TMEM263: variants seen among roughly 807,000 people sequenced by gnomAD.
The protein encoded by TMEM263 is UPF0444 transmembrane protein C12orf23.
TMEM263 carries 5 observed loss-of-function variants against 8.6 expected under a neutral mutation model. The observed-to-expected ratio is 0.58, with a 90% CI of 0.31 to 1.23. The LOEUF is 1.23. Ranked by LOEUF, TMEM263 falls within the 50% of genes most tolerant of loss-of-function variation. The probability of loss-of-function intolerance (pLI) is 0.07; values close to 1 mark genes in which losing one functional copy is unlikely to be tolerated. For synonymous variants in TMEM263, 50 were observed against 47.9 expected, an observed-to-expected ratio of 1.04 and a Z score of -0.18; for missense variants, 104 against 138.8, an observed-to-expected ratio of 0.75 and a Z score of 1.26.
Position 106,973,747 on chromosome 12 carries a change from T to TA in TMEM263, c.*2358dup, listed in dbSNP as rs916766066. The stretch of plus-strand genomic sequence containing the variant: ...ACAGGACTAGTTCAAGTCAAGAAAC[T>TA]AAGGTTGTTGTATACACCTGGAGGC... On this transcript the variant is annotated 3_prime_UTR_variant, in exon 4 of 4. Transcript: ENST00000280756. 4 of 152,638 alleles carry TA rather than the reference T, an allele frequency of 2.6e-5. No homozygotes were observed. Among genetic ancestry groups the TA allele is most frequent in the African/African-American group, 9.6e-5 (4 of 41,462 alleles). The allele number at this position is 152,638 out of a possible 1,614,324, so 9.5% of individuals were successfully genotyped here. A position where few individuals can be genotyped will look rare whatever the true frequency, so the allele number is the denominator to read the frequency against.
chr12:106,968,887 A>G (rs1247663853), intron 3 of TMEM263, among the ~76,000 whole-genome samples: 1 of 152,244 alleles, frequency 6.6e-6, no homozygotes, highest in East Asian at 1.9e-4. Context: ...GACCTCGATT[A>G]CAGAATTACC....
intron 2 of TMEM263, among the ~76,000 whole-genome samples, chr12:106,962,463 G>T (rs1951791784): frequency 6.6e-6 from 1 of 152,134 alleles, no homozygotes; most frequent in African/African-American, 2.4e-5. Flanking sequence ...TTCATTTTCA[G>T]ATGTGTTTTG....
intron 1 of TMEM263, 65 bp downstream of exon 1, chr12:106,956,130 C>T (rs1466709583): frequency 2.3e-6 from 2 of 857,456 alleles, no homozygotes; most frequent in African/African-American, 1.8e-5. Flanking sequence ...CCGTCGCCCT[C>T]TGCCGTCGGC....
chr12:106,960,353 A>G (rs1216372940), intron 2 of TMEM263, among the ~76,000 whole-genome samples: 3 of 145,070 alleles, frequency 2.1e-5, no homozygotes, highest in African/African-American at 7.6e-5. Context: ...TTTTTTTTTT[A>G]GTCCCAATGA....
At chr12:106,967,662 A>T (rs114559950) in intron 3 of TMEM263, among the ~76,000 whole-genome samples, 2,886 of 152,352 alleles carry the variant, frequency 0.019, 97 homozygotes, top group African/African-American at 0.066. Flanking sequence ...AAGAAAGCAT[A>T]GATAGTGGTG....
chr12:106,966,454 C>T (rs974599787), intron 2 of TMEM263, among the ~76,000 whole-genome samples: 2 of 152,138 alleles, frequency 1.3e-5, no homozygotes, highest in African/African-American at 4.8e-5. Context: ...GAACATAACA[C>T]GTGTGTGGTA....
In TMEM263 at chr12:106,971,394, T is replaced by C; in HGVS notation, c.*3T>C. 1 of 1,596,300 alleles carries C rather than the reference T, an allele frequency of 6.3e-7. No individual in the cohort carries two copies. The highest frequency in any genetic ancestry group is 2.2e-5 in the East Asian group (1 of 44,686). ...AGAAGAAAGACAAATCTGACTGAAA[T>C]ATAGAGATACACTTGCGCTCCACAG... On this transcript the variant is annotated 3_prime_UTR_variant, in exon 4 of 4. Coordinates refer to ENST00000280756, the MANE Select transcript of TMEM263 (RefSeq NM_152261.4).
At position 106,971,380 on chromosome 12, in the gene TMEM263, A is replaced by G; in HGVS notation, c.340A>G (p.Lys114Glu). The change falls in exon 4 of 4, where the codon AAA becomes GAA. Residue 114 changes from lysine (K) to glutamate (E), a missense_variant. Transcript: ENST00000280756. ...GCCCTTAACAGGAAAGAAGAAAGAC[A>G]AATCTGACTGAAATATAGAGATACA... is the stretch of plus-strand genomic sequence containing the variant. ...KVPLTGKKKD[K>E]SD The G allele has an allele frequency of 2.5e-6, 4 of 1,606,250 alleles. No individual in the cohort carries two copies. Among genetic ancestry groups the G allele is most frequent in the Non-Finnish European group, 3.4e-6 (4 of 1,175,352 alleles).
At chr12:106,966,198 A>G (rs915184435) in intron 2 of TMEM263, among the ~76,000 whole-genome samples, 3 of 152,178 alleles carry the variant, frequency 2.0e-5, no homozygotes, top group Non-Finnish European at 4.4e-5. Context: ...GTCCATGTAT[A>G]CTCAGTGTTT....
chr12:106,972,716 T>C lies in TMEM263; in HGVS notation c.*1325T>C, dbSNP rs1951939484. 6.6e-6 allele frequency: 1 copy of C among 152,168 alleles called. No individual in the cohort carries two copies. Among genetic ancestry groups the C allele is most frequent in the African/African-American group, 2.4e-5 (1 of 41,450 alleles). 9.4% of individuals were successfully genotyped at this position (152,168 alleles called of 1,614,324 possible). On this transcript the variant is annotated 3_prime_UTR_variant, in exon 4 of 4. Transcript: ENST00000280756. ...TGATTTAGCTGGAATTCATTTTCTT[T>C]TCGTTTCATGTTTAATTTCATAAAA...
At chr12:106,960,814 T>C (rs1951763159) in intron 2 of TMEM263, among the ~76,000 whole-genome samples, 1 of 152,236 alleles carries the variant, frequency 6.6e-6, no homozygotes, top group Non-Finnish European at 1.5e-5. Context: ...TTACTCTAGA[T>C]TAAATGCAGG....
chr12:106,971,307 T>C lies in TMEM263; in HGVS notation c.267T>C (p.Ala89=), dbSNP rs756684737. The part of the protein sequence containing the change: ...GIGLVKGGVS[A]VAGGVTAVGS... Reference sequence around the variant, plus strand: ...GGCTGGTGAAAGGGGGTGTCTCTGCTGTGGCTGGAGGTGTTACAGCTGTTG... The same window carrying C: ...GGCTGGTGAAAGGGGGTGTCTCTGCCGTGGCTGGAGGTGTTACAGCTGTTG... The change falls in exon 4 of 4, where the codon GCT becomes GCC. Residue 89 remains alanine (A), a synonymous_variant. Transcript: ENST00000280756. The C allele has an allele frequency of 6.2e-7, 1 of 1,614,220 alleles. No individual in the cohort carries two copies. Among genetic ancestry groups the C allele is most frequent in the Non-Finnish European group, 8.5e-7 (1 of 1,180,042 alleles).
intron 2 of TMEM263, among the ~76,000 whole-genome samples, chr12:106,960,476 G>C (rs1951756943): frequency 6.6e-6 from 1 of 151,894 alleles, no homozygotes; most frequent in African/African-American, 2.4e-5. Context: ...CTTGTTTATT[G>C]ATAATCCTAT....
chr12:106,958,752 C>T (rs1235856445), intron 2 of TMEM263, among the ~76,000 whole-genome samples: 1 of 152,188 alleles, frequency 6.6e-6, no homozygotes, highest in African/African-American at 2.4e-5. Flanking sequence ...TCTGTCATTA[C>T]TACTTTCCTT....
intron 2 of TMEM263, among the ~76,000 whole-genome samples, chr12:106,966,367 A>C (rs1026044759): frequency 1.3e-5 from 2 of 152,100 alleles, no homozygotes; most frequent in African/African-American, 4.8e-5. Context: ...TATGCACCAC[A>C]TTTTCTTTAT....
chr12:106,961,205 G>A (rs1951771517), intron 2 of TMEM263, among the ~76,000 whole-genome samples: 1 of 143,420 alleles, frequency 7.0e-6, no homozygotes, highest in Admixed American at 7.0e-5. Context: ...CTACAGGCGT[G>A]CACCACCGTG....
chr12:106,968,677 A>T (rs2136774966), intron 3 of TMEM263, among the ~76,000 whole-genome samples: 1 of 152,358 alleles, frequency 6.6e-6, no homozygotes, highest in South Asian at 2.1e-4. Context: ...TATGGTGATA[A>T]TTAAGAGTAT....
intron 2 of TMEM263, 104 bp downstream of exon 2, chr12:106,957,253 G>A (rs1951711280): frequency 1.2e-6 from 1 of 803,068 alleles, no homozygotes; most frequent in Non-Finnish European, 1.5e-6. Context: ...TTTTTAAAAA[G>A]AAAGGGAGAA....
intron 2 of TMEM263, among the ~76,000 whole-genome samples, chr12:106,961,833 C>T (rs1232451631): frequency 6.6e-6 from 1 of 152,096 alleles, no homozygotes; most frequent in East Asian, 1.9e-4. Flanking sequence ...GTCAGGATTT[C>T]CTTACCCAAG....
Sources: allele counts gnomAD v4.1 joint callset (sites outside exome capture counted in the v4.1 genomes callset), GRCh38; gene constraint gnomAD v4.1.1; transcripts MANE v1.5; gene names NCBI Gene and HGNC (gene_info 2026-07-23, HGNC 2026-07-21).